STPG2: variants seen among roughly 807,000 people sequenced by gnomAD.
STPG2 encodes the protein sperm tail PG-rich repeat containing 2.
A neutral mutation model predicts 54.2 loss-of-function variants in STPG2; 56 were observed. The ratio of observed to expected loss-of-function variants is 1.03; its 90% CI spans 0.83 to 1.29. The LOEUF (loss-of-function observed/expected upper bound fraction) is 1.29, where lower values mean the gene tolerates loss of function less well. Among genes scored for constraint, STPG2 ranks in the 50% most tolerant of loss-of-function variants. STPG2 has a pLI of 0.00. For synonymous variants in STPG2, 200 were observed against 181.8 expected (o/e 1.10, Z -0.81); for missense variants, 596 against 544.9 (o/e 1.09, Z -0.93).
At chr4:97,832,468 C>A (rs1429647707) in intron 9 of STPG2, among the ~76,000 whole-genome samples, 1 of 152,136 alleles carries the variant, frequency 6.6e-6, no homozygotes, top group Non-Finnish European at 1.5e-5. Context: ...GGCAAGGATG[C>A]CCTCTCTTAC....
At chr4:97,774,383 C>G (rs1447163670) in intron 9 of STPG2, among the ~76,000 whole-genome samples, 8 of 152,060 alleles carry the variant, frequency 5.3e-5, no homozygotes, top group Non-Finnish European at 7.4e-5. Flanking sequence ...CCCAGTGAAC[C>G]ATTTTATTTT....
chr4:97,680,882 A>G (rs1214286594), intron 10 of STPG2, among the ~76,000 whole-genome samples: 1 of 152,036 alleles, frequency 6.6e-6, no homozygotes, highest in Non-Finnish European at 1.5e-5. Flanking sequence ...CCCCTCCAAG[A>G]TTATATCCTA....
At chr4:97,462,987 A>T (rs1437696282) in intron 4 of STPG2, among the ~76,000 whole-genome samples, 2 of 152,068 alleles carry the variant, frequency 1.3e-5, no homozygotes, top group Non-Finnish European at 2.9e-5. Flanking sequence ...ATTTCTTTCT[A>T]TTCATTTGTT....
chr4:98,087,782 A>G (rs911206003), intron 5 of STPG2, among the ~76,000 whole-genome samples: 2 of 152,050 alleles, frequency 1.3e-5, no homozygotes, highest in Admixed American at 1.3e-4. Context: ...GGATGGTCTC[A>G]ATCTCCTGAC....
intron 7 of STPG2, among the ~76,000 whole-genome samples, chr4:97,950,821 C>A (rs1166781871): frequency 6.6e-6 from 1 of 152,182 alleles, no homozygotes; most frequent in Admixed American, 6.5e-5. Flanking sequence ...AACACCCTTC[C>A]TGTTTGGAGA....
intron 10 of STPG2, among the ~76,000 whole-genome samples, chr4:97,614,491 G>T (rs190541576): frequency 2.6e-5 from 4 of 152,106 alleles, no homozygotes; most frequent in African/African-American, 9.6e-5. Flanking sequence ...TAACTTTCTC[G>T]AAACACTCTC....
At chr4:97,509,300 G>A (rs1201319455) in intron 4 of STPG2, among the ~76,000 whole-genome samples, 1 of 151,892 alleles carries the variant, frequency 6.6e-6, no homozygotes, top group Non-Finnish European at 1.5e-5. Flanking sequence ...ATATAATACA[G>A]CAAGTTTCCA....
intron 4 of STPG2, among the ~76,000 whole-genome samples, chr4:98,107,861 T>C (rs950944507): frequency 2.6e-5 from 4 of 152,056 alleles, no homozygotes; most frequent in Non-Finnish European, 5.9e-5. Flanking sequence ...CAAAAGCATA[T>C]GTCAAGAAGA....
intron 10 of STPG2, among the ~76,000 whole-genome samples, chr4:97,600,731 G>A (rs1733436445): frequency 1.3e-5 from 2 of 152,204 alleles, no homozygotes; most frequent in South Asian, 2.1e-4. Context: ...TATGCATAGT[G>A]GGGGAAAGTT....
intron 7 of STPG2, among the ~76,000 whole-genome samples, chr4:97,964,435 C>A (rs1360748086): frequency 1.3e-5 from 2 of 151,834 alleles, no homozygotes; most frequent in Non-Finnish European, 2.9e-5. Flanking sequence ...TGTAGAAACA[C>A]AAAACACACA....
At chr4:98,045,712 ATTTAT>A (rs371393739) in intron 5 of STPG2, among the ~76,000 whole-genome samples, 82 of 151,998 alleles carry the variant, frequency 5.4e-4, no homozygotes, top group African/African-American at 1.9e-3. Context: ...ATATTTATTT[ATTTAT>A]TTATCTATTT....
chr4:97,951,610 T>C (rs1032540222), intron 7 of STPG2, among the ~76,000 whole-genome samples: 2 of 152,084 alleles, frequency 1.3e-5, no homozygotes, highest in South Asian at 2.1e-4. Flanking sequence ...GCTTTAGTTA[T>C]AGAGACTCTT....
rs779217164 is a variant in STPG2, at chr4:98,109,221, G to A, written c.472C>T (p.Pro158Ser). Reference sequence around the variant, plus strand: ...ACTATATCATACTGTCCTGGACCAGGACCTGACTTTTTAGGTAACTCTTGT... The same window carrying A: ...ACTATATCATACTGTCCTGGACCAGAACCTGACTTTTTAGGTAACTCTTGT... Reference protein sequence around the residue: ...GRQELPKKSGPGPGQYDIVQK... With the variant: ...GRQELPKKSGSGPGQYDIVQK... The change falls in exon 4 of 11, where the codon CCT becomes TCT. Residue 158 changes from proline (P) to serine (S), a missense_variant. Physicochemically the swap from Pro to Ser is moderately conservative, Grantham distance 74 (BLOSUM62 -1). Transcript: ENST00000295268. The A allele has an allele frequency of 3.1e-6, 5 of 1,610,358 alleles. No homozygotes were observed. Among genetic ancestry groups the A allele is most frequent in the Non-Finnish European group, 4.2e-6 (5 of 1,177,922 alleles).
chr4:97,633,152 T>C (rs1484613388), intron 10 of STPG2, among the ~76,000 whole-genome samples: 1 of 152,170 alleles, frequency 6.6e-6, no homozygotes, highest in Admixed American at 6.5e-5. Flanking sequence ...TACATTCTTA[T>C]AATAATATAA....
intron 4 of STPG2, among the ~76,000 whole-genome samples, chr4:97,443,081 C>G (rs1729130341): frequency 6.6e-6 from 1 of 152,122 alleles, no homozygotes; most frequent in Non-Finnish European, 1.5e-5. Context: ...TCGGCTTAAA[C>G]CTATTTAACT....
intron 5 of STPG2, among the ~76,000 whole-genome samples, chr4:98,037,927 A>G (rs1008272649): frequency 1.2e-4 from 19 of 152,290 alleles, no homozygotes; most frequent in African/African-American, 4.6e-4. Context: ...TGTAAATATC[A>G]TGAAAGAAGA....
At chr4:97,589,536 A>C (rs746828043) in intron 10 of STPG2, among the ~76,000 whole-genome samples, 39 of 152,082 alleles carry the variant, frequency 2.6e-4, no homozygotes, top group Non-Finnish European at 4.3e-4. Flanking sequence ...CCATACGACA[A>C]TTTTCTAGGT....
chr4:97,817,506 T>C lies in STPG2; in HGVS notation c.1204+23267A>G, dbSNP rs1354157745. On this transcript the variant is annotated intron_variant, in intron 9 of 10. Transcript: ENST00000295268. ...TTGAACTGTTCTCTATAAATCCAAA[T>C]TTTCCTTATAAATAGAATAAATTAT... Among the ~76,000 whole-genome samples, 5 of 152,060 alleles carry C rather than the reference T, an allele frequency of 3.3e-5. No homozygotes were observed. In the South Asian group the frequency reaches 6.2e-4, roughly 19 times the overall value.
At chr4:97,810,764 TA>T (rs1727710795) in intron 9 of STPG2, among the ~76,000 whole-genome samples, 1 of 152,222 alleles carries the variant, frequency 6.6e-6, no homozygotes, top group South Asian at 2.1e-4. Context: ...AATATTATGC[TA>T]TTTCCACATT....
Sources: allele counts gnomAD v4.1 joint callset (sites outside exome capture counted in the v4.1 genomes callset), GRCh38; gene constraint gnomAD v4.1.1; transcripts MANE v1.5; gene names NCBI Gene and HGNC (gene_info 2026-07-23, HGNC 2026-07-21).